Variants in ANK1 observed in about 807,000 individuals in gnomAD.
The protein encoded by ANK1 is ankyrin-1.
In ANK1, 51 loss-of-function variants were observed where a neutral mutation model predicts 210.4. That is an observed-to-expected ratio of 0.24 (90% CI 0.19 to 0.31). The LOEUF (loss-of-function observed/expected upper bound fraction) is 0.31, where lower values mean the gene tolerates loss of function less well. Among genes scored for constraint, ANK1 ranks in the 10% least tolerant of loss-of-function variants. ANK1 has a pLI of 1.00. For synonymous variants in ANK1, 967 were observed against 1,025.9 expected (o/e 0.94, Z 1.10); for missense variants, 2,051 against 2,504.4 (o/e 0.82, Z 3.86).
At position 41,740,334 on chromosome 8, in the gene ANK1, G is replaced by C. The variant is rs182760486; in HGVS notation, c.130-6265C>G. Among the ~76,000 whole-genome samples the C allele has an allele frequency of 3.7e-3, 559 of 151,804 alleles. 4 individuals carry two copies. Among genetic ancestry groups the C allele is most frequent in the Non-Finnish European group, 5.3e-3 (360 of 67,888 alleles). ...TGCCACCACGCCTGGCTAATTTTTT[G>C]CATTTTTAGTAGACGGGGTTTCACC... On this transcript the variant is annotated intron_variant, in intron 2 of 42. Transcript: ENST00000289734.
At chr8:41,845,439 C>T (rs904627683) in intron 1 of ANK1, among the ~76,000 whole-genome samples, 6 of 151,722 alleles carry the variant, frequency 4.0e-5, no homozygotes, top group Non-Finnish European at 5.9e-5. Context: ...AATCGACTGG[C>T]GATTTCTGCT....
At chr8:41,777,386 C>A (rs1273706264) in intron 1 of ANK1, among the ~76,000 whole-genome samples, 2 of 152,046 alleles carry the variant, frequency 1.3e-5, no homozygotes, top group East Asian at 3.9e-4. Context: ...ACCAGCCTGG[C>A]CAACATGGTG....
intron 1 of ANK1, among the ~76,000 whole-genome samples, chr8:41,764,512 G>A (rs138597711): frequency 1.0e-3 from 157 of 152,296 alleles, no homozygotes; most frequent in African/African-American, 3.6e-3. Context: ...CAGAATGACT[G>A]GCCCTCTCCA....
chr8:41,816,735 T>G (rs956779466), intron 1 of ANK1, among the ~76,000 whole-genome samples: 33 of 152,222 alleles, frequency 2.2e-4, no homozygotes, highest in Admixed American at 1.8e-3. Context: ...TGGCCAATAA[T>G]ATTCTTATTT....
chr8:41,770,224 C>A (rs1040075767), intron 1 of ANK1, among the ~76,000 whole-genome samples: 1 of 152,238 alleles, frequency 6.6e-6, no homozygotes, highest in African/African-American at 2.4e-5. Flanking sequence ...CTCAGGTGCT[C>A]TGCCCGCCTC....
At chr8:41,752,969 GA>G (rs1261347474) in intron 2 of ANK1, among the ~76,000 whole-genome samples, 3 of 152,056 alleles carry the variant, frequency 2.0e-5, no homozygotes, top group Non-Finnish European at 4.4e-5. Context: ...ACAAGGGGGG[GA>G]TATTCAACCA....
chr8:41,699,311 C>T, intron 23 of ANK1, 141 bp downstream of exon 23: 1 of 811,530 alleles, frequency 1.2e-6, no homozygotes, highest in Non-Finnish European at 2.1e-6. Context: ...CTAGCTCATC[C>T]TAAGGTGCAA....
intron 1 of ANK1, among the ~76,000 whole-genome samples, chr8:41,811,041 A>G (rs747288727): frequency 6.6e-6 from 1 of 152,212 alleles, no homozygotes; most frequent in African/African-American, 2.4e-5. Flanking sequence ...CACAGTAGTG[A>G]TGTTATCTCT....
chr8:41,888,594 A>G (rs1373999488), intron 1 of ANK1, among the ~76,000 whole-genome samples: 1 of 152,258 alleles, frequency 6.6e-6, no homozygotes, highest in African/African-American at 2.4e-5. Flanking sequence ...GGAAAAACAG[A>G]CAATCATGGC....
At chr8:41,792,408 T>C (rs1344755170) in intron 1 of ANK1, among the ~76,000 whole-genome samples, 2 of 152,280 alleles carry the variant, frequency 1.3e-5, no homozygotes, top group South Asian at 2.1e-4. Context: ...CCGACATCAA[T>C]TGGCCCAACA....
chr8:41,655,170 A>G lies in ANK1; in HGVS notation c.*620T>C, dbSNP rs1217163772. ...TGTGTGTGTCCTGAATGTCATGTAG[A>G]GCGATCTGGGAGGAGCGTCACCAGG... On this transcript the variant is annotated 3_prime_UTR_variant, in exon 43 of 43. Transcript: ENST00000289734. 1 of 149,796 alleles carries G rather than the reference A, an allele frequency of 6.7e-6. No homozygotes were observed. Among genetic ancestry groups the G allele is most frequent in the African/African-American group, 2.6e-5 (1 of 39,148 alleles). 9.3% of individuals were successfully genotyped at this position (149,796 alleles called of 1,614,324 possible).
At chr8:41,749,528 C>T (rs1302546451) in intron 2 of ANK1, among the ~76,000 whole-genome samples, 1 of 144,456 alleles carries the variant, frequency 6.9e-6, no homozygotes, top group African/African-American at 2.6e-5. Flanking sequence ...AACTCATGAC[C>T]TCAGGTGATC....
At chr8:41,713,235 CTGCCCCATAGAG>C (rs1475707807) in intron 16 of ANK1, among the ~76,000 whole-genome samples, 1 of 152,244 alleles carries the variant, frequency 6.6e-6, no homozygotes, top group Non-Finnish European at 1.5e-5. Context: ...GTGCGCCTGG[CTGCCCCATAGAG>C]TGCGGGTACT....
chr8:41,842,513 G>A (rs925222919), intron 1 of ANK1, among the ~76,000 whole-genome samples: 1 of 151,812 alleles, frequency 6.6e-6, no homozygotes, highest in Non-Finnish European at 1.5e-5. Context: ...AAAAATTTTT[G>A]GAATGAAGCC....
At chr8:41,693,814 C>T in intron 29 of ANK1, 84 bp downstream of exon 29, 1 of 1,462,598 alleles carries the variant, frequency 6.8e-7, no homozygotes, top group Non-Finnish European at 9.3e-7. Flanking sequence ...GATTGCTGGC[C>T]TCGCCTTCTC....
chr8:41,694,759 T>A lies in ANK1; in HGVS notation c.3160A>T (p.Ile1054Phe). 2 of 1,614,158 alleles carry A rather than the reference T, an allele frequency of 1.2e-6. No homozygotes were observed. Among genetic ancestry groups the A allele is most frequent in the Admixed American group, 1.7e-5 (1 of 60,022 alleles). ...EELEKKRVCR[I>F]ITTDFPLYFV... ...TACAGCGGGAAGTCGGTGGTGATGA[T>A]TCGGCACACCCTCTTCTTCTCTAGC... The change falls in exon 28 of 43, where the codon ATC (isoleucine) becomes TTC (phenylalanine). Residue 1054 changes from isoleucine to phenylalanine, a missense_variant. By Grantham distance (21) the Ile-to-Phe change is conservative. Transcript: ENST00000289734. This position sits in a 1 kb window ranked among gnomAD's most constrained non-coding sequence, Gnocchi z 5.7.
intron 37 of ANK1, among the ~76,000 whole-genome samples, chr8:41,677,560 G>A (rs1814559760): frequency 6.6e-6 from 1 of 151,160 alleles, no homozygotes; most frequent in African/African-American, 2.4e-5. Context: ...ACCATGTTCT[G>A]GCTTCTGTTG....
At chr8:41,805,153 C>CTCTT (rs1181766606) in intron 1 of ANK1, among the ~76,000 whole-genome samples, 1 of 147,406 alleles carries the variant, frequency 6.8e-6, no homozygotes, top group Non-Finnish European at 1.5e-5. Flanking sequence ...TCTCATAGAG[C>CTCTT]TCTTTCTCTC....
At chr8:41,752,493 G>T (rs1293021953) in intron 2 of ANK1, among the ~76,000 whole-genome samples, 2 of 152,022 alleles carry the variant, frequency 1.3e-5, no homozygotes, top group Non-Finnish European at 2.9e-5. Context: ...ATATCCAACT[G>T]CTTACTATAT....
Sources: gnomAD v4.1 joint callset for allele counts (sites outside exome capture counted in the v4.1 genomes callset) on GRCh38, gnomAD v4.1.1 for gene constraint, Gnocchi (gnomAD v3.1) non-coding constraint, MANE v1.5 for transcripts, NCBI Gene and HGNC (gene_info 2026-07-23, HGNC 2026-07-21) for gene names.